Variants in AGBL1 observed in about 807,000 individuals in gnomAD.
AGBL1 encodes the protein cytosolic carboxypeptidase 4.
Under a neutral mutation model 118.9 loss-of-function variants are expected in AGBL1, and 130 were observed. The observed-to-expected ratio is 1.09, with a 90% CI of 0.95 to 1.26. The LOEUF (loss-of-function observed/expected upper bound fraction) is 1.26, where lower values mean the gene tolerates loss of function less well. AGBL1 is among the 50% of genes most tolerant of loss of function. The pLI is 0.00. For missense variants in AGBL1, 1,584 were observed against 1,298.1 expected, an observed-to-expected ratio of 1.22 and a Z score of -3.38; for synonymous variants, 555 against 478.9, an observed-to-expected ratio of 1.16 and a Z score of -2.08.
intron 22 of AGBL1, among the ~76,000 whole-genome samples, chr15:86,837,886 C>T (rs1269127347): frequency 6.6e-6 from 1 of 152,142 alleles, no homozygotes; most frequent in Non-Finnish European, 1.5e-5. Context: ...ACACTTAGTT[C>T]CCTTCCATTT....
At chr15:87,016,743 G>C (rs974526892) in intron 24 of AGBL1, among the ~76,000 whole-genome samples, 1 of 152,100 alleles carries the variant, frequency 6.6e-6, no homozygotes, top group Non-Finnish European at 1.5e-5. Context: ...AGAGCCAAAG[G>C]AACCACCACC....
chr15:86,646,663 A>G (rs1417965452), intron 21 of AGBL1, among the ~76,000 whole-genome samples: 1 of 152,072 alleles, frequency 6.6e-6, no homozygotes, highest in Non-Finnish European at 1.5e-5. Flanking sequence ...CCCACAGAAT[A>G]CTGTATGCTT....
At chr15:86,360,019 GATTT>G (rs2080779766) in intron 17 of AGBL1, among the ~76,000 whole-genome samples, 1 of 151,824 alleles carries the variant, frequency 6.6e-6, no homozygotes, top group Admixed American at 6.6e-5. Context: ...ATTTGGATGT[GATTT>G]ATTTATTTAT....
chr15:86,962,182 T>A (rs545435793), intron 23 of AGBL1, among the ~76,000 whole-genome samples: 1 of 152,192 alleles, frequency 6.6e-6, no homozygotes, highest in South Asian at 2.1e-4. Context: ...CCCAGGTTTA[T>A]AAATACACAT....
intron 5 of AGBL1, among the ~76,000 whole-genome samples, chr15:86,218,629 G>T (rs188442202): frequency 1.3e-5 from 2 of 152,310 alleles, no homozygotes; most frequent in African/African-American, 2.4e-5. Context: ...CATTGCATAT[G>T]TACTCTCTAT....
At chr15:86,211,561 C>T (rs139243158) in intron 5 of AGBL1, among the ~76,000 whole-genome samples, 1,803 of 152,304 alleles carry the variant, frequency 0.012, 21 homozygotes, top group Non-Finnish European at 0.019. Context: ...TGCCCCTCCT[C>T]CTGCAAGGCT....
In AGBL1 at chr15:86,141,995, T is replaced by C. The variant is rs2141646312; in HGVS notation, c.52-9T>C. ...TTCTTAAATATGGCTGCCTGTGTTC[T>C]CATTGCAGAGCTCCTCTGACAAGGA... is the stretch of plus-strand genomic sequence containing the variant. On this transcript the variant is annotated splice_polypyrimidine_tract_variant and intron_variant, in intron 1 of 22. Transcript: ENST00000614907. 7.1e-6 allele frequency: 11 copies of C among 1,549,554 alleles called. No homozygotes were observed. The highest frequency in any genetic ancestry group is 8.7e-6 in the Non-Finnish European group (10 of 1,146,482).
chr15:86,354,984 G>C (rs531718754), intron 17 of AGBL1, among the ~76,000 whole-genome samples: 1 of 152,326 alleles, frequency 6.6e-6, no homozygotes, highest in South Asian at 2.1e-4. Flanking sequence ...AGCTGAGAGA[G>C]ACACCTAGTT....
chr15:86,565,724 C>G (rs1252183222), intron 21 of AGBL1, among the ~76,000 whole-genome samples: 1 of 152,244 alleles, frequency 6.6e-6, no homozygotes, highest in Non-Finnish European at 1.5e-5. Flanking sequence ...GCCCTGCCTC[C>G]AGAGGTGGAG....
At position 86,543,638 on chromosome 15, in the gene AGBL1, T is replaced by C. The variant is rs374883499; in HGVS notation, c.2686-2364T>C. Among the ~76,000 whole-genome samples the C allele has an allele frequency of 7.2e-5, 11 of 152,052 alleles. No homozygotes were observed. In the East Asian group the frequency reaches 1.9e-3, roughly 27 times the overall value. On this transcript the variant is annotated intron_variant, in intron 19 of 22. Transcript: ENST00000614907. ...ATGGCCAAGAAAGATACAGGAAAAA[T>C]AAGTACCTCACAAGGAAAGAGTAAA...
chr15:86,267,450 G>A (rs919607898), intron 13 of AGBL1, among the ~76,000 whole-genome samples: 5 of 152,202 alleles, frequency 3.3e-5, no homozygotes, highest in African/African-American at 1.2e-4. Flanking sequence ...GGCTGATTCT[G>A]TTGAAGGGAA....
chr15:86,483,038 G>A (rs760138656), intron 18 of AGBL1, among the ~76,000 whole-genome samples: 3 of 151,862 alleles, frequency 2.0e-5, no homozygotes, highest in Non-Finnish European at 2.9e-5. Context: ...ATGCTGAGAG[G>A]GGTGGCTGAA....
At chr15:86,392,675 G>C (rs1440286765) in intron 17 of AGBL1, among the ~76,000 whole-genome samples, 1 of 152,112 alleles carries the variant, frequency 6.6e-6, no homozygotes, top group Admixed American at 6.6e-5. Context: ...CTAAAGGCCT[G>C]ATATCTCTTA....
chr15:86,398,758 A>G (rs1233774596), intron 18 of AGBL1, among the ~76,000 whole-genome samples: 1 of 152,184 alleles, frequency 6.6e-6, no homozygotes, highest in African/African-American at 2.4e-5. Context: ...AGCACCGAAG[A>G]TAGATAAGTT....
chr15:86,816,210 C>G (rs1229455384), intron 22 of AGBL1, among the ~76,000 whole-genome samples: 1 of 152,120 alleles, frequency 6.6e-6, no homozygotes, highest in Non-Finnish European at 1.5e-5. Context: ...TGTATAGTAG[C>G]AAATAGAATG....
chr15:86,697,444 T>A lies in AGBL1; in HGVS notation c.3158+23008T>A, dbSNP rs114686401. Among the ~76,000 whole-genome samples, 1,286 of 152,002 alleles carry A rather than the reference T, an allele frequency of 8.5e-3. 11 individuals carry two copies. The highest frequency in any genetic ancestry group is 0.029 in the South Asian group (139 of 4,824). ...AAGTGTGTTCTTTATTTCCTGAAGT[T>A]GTGATTTATTTTTATTTATGCTATT... On this transcript the variant is annotated intron_variant, in intron 22 of 22. Coordinates refer to ENST00000614907, the MANE Select transcript of AGBL1 (RefSeq NM_001386094.1).
intron 23 of AGBL1, among the ~76,000 whole-genome samples, chr15:86,954,638 T>G (rs907176494): frequency 2.6e-5 from 4 of 152,068 alleles, no homozygotes; most frequent in African/African-American, 9.7e-5. Flanking sequence ...ATAGACGCTG[T>G]GGACTACTAG....
At chr15:86,881,909 G>A (rs908940318) in intron 22 of AGBL1, among the ~76,000 whole-genome samples, 1 of 152,152 alleles carries the variant, frequency 6.6e-6, no homozygotes, top group Admixed American at 6.5e-5. Context: ...TACCAAAAGG[G>A]GATGGTGGTA....
intron 5 of AGBL1, among the ~76,000 whole-genome samples, chr15:86,222,529 A>G (rs896562279): frequency 6.6e-6 from 1 of 152,022 alleles, no homozygotes; most frequent in Non-Finnish European, 1.5e-5. Flanking sequence ...CATCATCTCA[A>G]TTTAAAAAAC....
Sources: allele counts gnomAD v4.1 joint callset (sites outside exome capture counted in the v4.1 genomes callset), GRCh38; gene constraint gnomAD v4.1.1; transcripts MANE v1.5; gene names NCBI Gene and HGNC (gene_info 2026-07-23, HGNC 2026-07-21).